PCNX2: variants seen among roughly 807,000 people sequenced by gnomAD.
PCNX2 encodes the protein pecanex-like protein 2.
A neutral mutation model predicts 223.8 loss-of-function variants in PCNX2; 168 were observed. That is an observed-to-expected ratio of 0.75 (90% CI 0.66 to 0.85). The LOEUF (loss-of-function observed/expected upper bound fraction) is 0.85, where lower values mean the gene tolerates loss of function less well. Ranked by LOEUF, PCNX2 falls within the 40% of genes least tolerant of loss-of-function variation. The probability of loss-of-function intolerance (pLI) is 0.00; values close to 1 mark genes in which losing one functional copy is unlikely to be tolerated. For missense variants in PCNX2, 2,507 were observed against 2,675.5 expected (o/e 0.94, Z 1.39); for synonymous variants, 1,006 against 1,052.6 (o/e 0.96, Z 0.86).
At chr1:233,193,514 A>T (rs551148366) in intron 15 of PCNX2, among the ~76,000 whole-genome samples, 10 of 152,304 alleles carry the variant, frequency 6.6e-5, no homozygotes, top group African/African-American at 2.4e-4. Context: ...TTCAACAAAG[A>T]AATTTTAGCC....
At chr1:233,016,784 A>G (rs1187902527) in intron 27 of PCNX2, 137 bp downstream of exon 27, 3 of 1,427,848 alleles carry the variant, frequency 2.1e-6, no homozygotes, top group Non-Finnish European at 2.8e-6. Context: ...TTCAATAAAC[A>G]TCTGTCCAAA....
At chr1:233,277,665 C>T (rs1660984555) in intron 1 of PCNX2, among the ~76,000 whole-genome samples, 1 of 152,120 alleles carries the variant, frequency 6.6e-6, no homozygotes, top group African/African-American at 2.4e-5. Flanking sequence ...AACCAAAGAA[C>T]GGGGGCTGCT....
At chr1:233,270,542 AC>A (rs1660587867) in intron 1 of PCNX2, among the ~76,000 whole-genome samples, 1 of 152,146 alleles carries the variant, frequency 6.6e-6, no homozygotes, top group African/African-American at 2.4e-5. Context: ...CCTTGCAAAT[AC>A]CTGTTTAAAA....
intron 15 of PCNX2, among the ~76,000 whole-genome samples, chr1:233,198,111 C>T (rs1680843489): frequency 1.3e-5 from 2 of 152,148 alleles, no homozygotes; most frequent in South Asian, 4.1e-4. Context: ...AAACCCCTGC[C>T]CTAATTCCTG....
At chr1:233,241,341 A>G in intron 8 of PCNX2, 1 of 985,478 alleles carries the variant, frequency 1.0e-6, no homozygotes. Context: ...TCAGGCTTTC[A>G]GAGAAAATGC....
At chr1:233,306,149 T>G in the PCNX2 span, among the ~76,000 whole-genome samples, 3 of 152,162 alleles carry the variant, frequency 2.0e-5, no homozygotes, top group African/African-American at 7.2e-5. Context: ...ATACAACAGT[T>G]TTTACTAAGA....
At chr1:232,986,028 G>T (rs547915503) in intron 33 of PCNX2, 64 bp downstream of exon 33, 5 of 1,524,606 alleles carry the variant, frequency 3.3e-6, no homozygotes, top group Non-Finnish European at 4.5e-6. Context: ...CAGGTGCCAC[G>T]CTCAGGCCAG....
chr1:233,112,719 TAACTAAA>T, intron 21 of PCNX2: 1 of 687,742 alleles, frequency 1.5e-6, no homozygotes, highest in Non-Finnish European at 1.9e-6. Flanking sequence ...TTGAACAATA[TAACTAAA>T]TTCACATATT....
At chr1:233,179,557 TA>T (rs1425536764) in intron 15 of PCNX2, among the ~76,000 whole-genome samples, 2 of 152,126 alleles carry the variant, frequency 1.3e-5, no homozygotes, top group Admixed American at 6.5e-5. Context: ...CTAAATGGCA[TA>T]AAAAATGTAA....
In PCNX2 at chr1:232,984,602, G is replaced by GCTGCCATA. The variant is rs1427912681; in HGVS notation, c.6241-126_6241-125insTATGGCAG. The GCTGCCATA allele has an allele frequency of 4.5e-6, 5 of 1,116,396 alleles. No individual in the cohort carries two copies. The African/African-American group carries it at 6.3e-5, about 14-fold the overall frequency. 69.2% of individuals were successfully genotyped at this position (1,116,396 alleles called of 1,614,324 possible). Reference sequence around the variant, plus strand: ...AGCGCTGCCATATCCTTGAGGTCAGGTTCTAAAGTCAGGTCAAATGATAGA... The same window carrying GCTGCCATA: ...AGCGCTGCCATATCCTTGAGGTCAGGCTGCCATATTCTAAAGTCAGGTCAAATGATAGA... On this transcript the variant is annotated intron_variant, in intron 33 of 33. Coordinates refer to ENST00000258229, the MANE Select transcript of PCNX2 (RefSeq NM_014801.4).
Position 233,000,362 on chromosome 1 carries a change from G to T in PCNX2, c.5271C>A (p.Ala1757=). 6.2e-7 allele frequency: 1 copy of T among 1,613,690 alleles called. No homozygotes were observed. Among genetic ancestry groups the T allele is most frequent in the Non-Finnish European group, 8.5e-7 (1 of 1,179,718 alleles). ...LTLRHVVDEG[A]DEYKVIMLHR... The stretch of plus-strand genomic sequence containing the variant: ...GGAGCATGATGACCTTGTACTCGTC[G>T]GCACCCTCGTCCACCACGTGCCGCA... The change falls in exon 30 of 34, where the codon GCC becomes GCA. Residue 1757 remains alanine, a synonymous_variant. Coordinates refer to ENST00000258229, the MANE Select transcript of PCNX2 (RefSeq NM_014801.4). This position sits in a 1 kb window ranked among gnomAD's most constrained non-coding sequence, Gnocchi z 4.6.
At chr1:233,134,553 A>T (rs1361020738) in intron 21 of PCNX2, among the ~76,000 whole-genome samples, 1 of 151,894 alleles carries the variant, frequency 6.6e-6, no homozygotes, top group Non-Finnish European at 1.5e-5. Flanking sequence ...AGAAAACAGA[A>T]GAAAAAAGGA....
chr1:233,153,593 G>A (rs1677947436), intron 19 of PCNX2, among the ~76,000 whole-genome samples: 2 of 152,268 alleles, frequency 1.3e-5, no homozygotes, highest in Admixed American at 6.5e-5. Flanking sequence ...AAATGCTAAT[G>A]CATAAGGGAA....
At chr1:233,309,264 G>A in the PCNX2 span, among the ~76,000 whole-genome samples, 54 of 152,252 alleles carry the variant, frequency 3.5e-4, no homozygotes, top group East Asian at 2.3e-3. Flanking sequence ...GAATATGGCC[G>A]GGCGCGGTGG....
chr1:233,166,465 AG>A (rs1315532318), intron 17 of PCNX2, among the ~76,000 whole-genome samples: 3 of 56,726 alleles, frequency 5.3e-5, no homozygotes, highest in Non-Finnish European at 8.9e-5. Flanking sequence ...GCCAAAGACT[AG>A]GGAAAAAAAA....
At chr1:233,230,096 A>G (rs1426403786) in intron 9 of PCNX2, among the ~76,000 whole-genome samples, 9 of 152,250 alleles carry the variant, frequency 5.9e-5, no homozygotes, top group Non-Finnish European at 1.2e-4. Context: ...AACTGAAAAC[A>G]TAACAAGAGA....
intron 25 of PCNX2, among the ~76,000 whole-genome samples, chr1:233,050,931 A>G (rs1437110795): frequency 1.3e-5 from 2 of 152,194 alleles, no homozygotes; most frequent in Non-Finnish European, 2.9e-5. Flanking sequence ...GTAACTGACA[A>G]AGGTCTAATA....
At chr1:233,004,797 T>C (rs1436240978) in intron 28 of PCNX2, among the ~76,000 whole-genome samples, 2 of 152,170 alleles carry the variant, frequency 1.3e-5, no homozygotes, top group Non-Finnish European at 2.9e-5. Context: ...TAGGACTCCC[T>C]TGAGAAAGAG....
chr1:233,243,900 C>T (rs1477466363), intron 8 of PCNX2, among the ~76,000 whole-genome samples: 1 of 152,004 alleles, frequency 6.6e-6, no homozygotes, highest in Non-Finnish European at 1.5e-5. Context: ...GACGTGATCT[C>T]GGCTCACCAC....
Sources: gnomAD v4.1 joint callset for allele counts (sites outside exome capture counted in the v4.1 genomes callset) on GRCh38, gnomAD v4.1.1 for gene constraint, Gnocchi (gnomAD v3.1) non-coding constraint, MANE v1.5 for transcripts, NCBI Gene and HGNC (gene_info 2026-07-23, HGNC 2026-07-21) for gene names.